PREX2: variants seen among roughly 807,000 people sequenced by gnomAD.
PREX2 encodes the protein phosphatidylinositol 3,4,5-trisphosphate-dependent Rac exchanger 2 protein.
PREX2 carries 107 observed loss-of-function variants against 203.2 expected under a neutral mutation model. The ratio of observed to expected loss-of-function variants is 0.53; its 90% CI spans 0.45 to 0.62. The LOEUF (loss-of-function observed/expected upper bound fraction) is 0.62, where lower values mean the gene tolerates loss of function less well. Among genes scored for constraint, PREX2 ranks in the 20% least tolerant of loss-of-function variants. The pLI, the probability that PREX2 is intolerant of heterozygous loss-of-function variation, is 0.00. For synonymous variants in PREX2, 672 were observed against 663.6 expected (o/e 1.01, Z -0.19); for missense variants, 1,777 against 1,955.9 (o/e 0.91, Z 1.72).
intron 14 of PREX2, among the ~76,000 whole-genome samples, chr8:68,076,286 G>A (rs745998266): frequency 1.8e-4 from 27 of 152,054 alleles, no homozygotes; most frequent in Non-Finnish European, 2.6e-4. Context: ...ATGAAAGCCC[G>A]TCTCTACTAA....
chr8:68,139,536 G>A (rs1027296739), intron 33 of PREX2, among the ~76,000 whole-genome samples: 19 of 152,150 alleles, frequency 1.2e-4, no homozygotes, highest in African/African-American at 2.4e-5. Flanking sequence ...TGAATTACGG[G>A]ATGTGTGTTC....
chr8:68,108,262 G>A lies in PREX2; in HGVS notation c.2869G>A (p.Ala957Thr), dbSNP rs766760003. Residue 957 changes from alanine to threonine, a missense_variant, in exon 24 of 40, where the codon GCA (alanine) becomes ACA (threonine). Physicochemically the swap from Ala to Thr is moderately conservative, Grantham distance 58. Coordinates refer to ENST00000288368, the MANE Select transcript of PREX2 (RefSeq NM_024870.4). ...YPKTSTSLGS[A>T]FGVQLDSRKH... ...CAAAACATCAACCTCTTTGGGAAGT[G>A]CATTTGGTGTTCAGTTGGATAGCAG... 21 of 1,613,832 alleles carry A rather than the reference G, an allele frequency of 1.3e-5. No individual in the cohort carries two copies. Among genetic ancestry groups the A allele is most frequent in the African/African-American group, 2.7e-5 (2 of 74,906 alleles).
intron 18 of PREX2, 61 bp downstream of exon 18, chr8:68,083,449 A>G: frequency 7.9e-7 from 1 of 1,268,726 alleles, no homozygotes; most frequent in South Asian, 1.4e-5. Context: ...TAACACAGAA[A>G]AGATAACTAA....
In PREX2 at chr8:68,146,259, T is replaced by G. The variant is rs1264341647; in HGVS notation, c.4138T>G (p.Tyr1380Asp). Reference protein sequence around the residue: ...AEGSRQALKVYFYIDSYHFEQ... With the variant: ...AEGSRQALKVDFYIDSYHFEQ... Reference sequence around the variant, plus strand: ...AGGAAGTCGGCAAGCTCTGAAAGTTTACTTCTACATTGATAGTTATCATTT... The same window carrying G: ...AGGAAGTCGGCAAGCTCTGAAAGTTGACTTCTACATTGATAGTTATCATTT... The change falls in exon 34 of 40, where the codon TAC becomes GAC. Residue 1380 changes from tyrosine to aspartate, a missense_variant. By Grantham distance (160) the Tyr-to-Asp change is radical. Transcript: ENST00000288368. The G allele has an allele frequency of 6.2e-7, 1 of 1,612,130 alleles. No homozygotes were observed. The highest frequency in any genetic ancestry group is 8.5e-7 in the Non-Finnish European group (1 of 1,178,974).
rs1011768607 is a variant in PREX2, at chr8:68,127,247, T to C, written c.3725-131T>C. 8.2e-6 allele frequency: 5 copies of C among 612,280 alleles called. No homozygotes were observed. The South Asian group carries it at 1.4e-4, about 17-fold the overall frequency. 37.9% of individuals were successfully genotyped at this position (612,280 alleles called of 1,614,324 possible). On this transcript the variant is annotated intron_variant, in intron 30 of 39. Coordinates refer to ENST00000288368, the MANE Select transcript of PREX2 (RefSeq NM_024870.4). ...TGTTTTTGCCATCCATTGAAAGTAA[T>C]GGCAAAACCACAACTACTTTTGCAT...
rs1810914461 is a variant in PREX2, at chr8:68,127,401, G to C, written c.3748G>C (p.Ala1250Pro). Residue 1250 changes from alanine (A) to proline (P), a missense_variant, in exon 31 of 40, where the codon GCT (alanine) becomes CCT (proline). Transcript: ENST00000288368. ...VEEVKCRLLL[A>P]LLEYSDSETQ... ...AGAGGTAAAGTGTAGGCTACTCCTG[G>C]CTCTTCTTGAATATTCAGGTAACAT... The C allele has an allele frequency of 6.2e-7, 1 of 1,606,418 alleles. No individual in the cohort carries two copies. Among genetic ancestry groups the C allele is most frequent in the African/African-American group, 1.3e-5 (1 of 74,614 alleles).
At chr8:67,970,602 A>G (rs897395153) in intron 1 of PREX2, among the ~76,000 whole-genome samples, 7 of 152,238 alleles carry the variant, frequency 4.6e-5, no homozygotes, top group African/African-American at 1.7e-4. Flanking sequence ...ACTTGGAGTT[A>G]GAGTTCTCAC....
intron 1 of PREX2, among the ~76,000 whole-genome samples, chr8:67,953,523 C>T (rs997322719): frequency 8.5e-5 from 13 of 152,132 alleles, no homozygotes; most frequent in African/African-American, 3.1e-4. Context: ...TTTGTGATCT[C>T]ATCCAAATCC....
At position 68,173,370 on chromosome 8, in the gene PREX2, A is replaced by G. The variant is rs1017860913; in HGVS notation, c.4346+15934A>G. Among the ~76,000 whole-genome samples the G allele has an allele frequency of 2.0e-5, 3 of 152,186 alleles. No individual in the cohort carries two copies. In the East Asian group the frequency reaches 5.8e-4, roughly 29 times the overall value. On this transcript the variant is annotated intron_variant, in intron 35 of 39. Coordinates refer to ENST00000288368, the MANE Select transcript of PREX2 (RefSeq NM_024870.4). ...AATTTCACATGAGGCAAGATCAGAT[A>G]AAGTTGAAATTGTAGTGACACTTTG...
At chr8:68,143,945 T>G (rs1811275016) in intron 33 of PREX2, among the ~76,000 whole-genome samples, 1 of 152,190 alleles carries the variant, frequency 6.6e-6, no homozygotes, top group Non-Finnish European at 1.5e-5. Flanking sequence ...TTGAAAAGAC[T>G]TATCTTTGCT....
At chr8:68,000,079 C>T (rs1806895454) in intron 1 of PREX2, among the ~76,000 whole-genome samples, 1 of 152,118 alleles carries the variant, frequency 6.6e-6, no homozygotes. Flanking sequence ...CCTCTCTCAC[C>T]ACTCCTACTC....
intron 1 of PREX2, among the ~76,000 whole-genome samples, chr8:67,978,803 C>A (rs1232882768): frequency 6.6e-6 from 1 of 152,052 alleles, no homozygotes; most frequent in Admixed American, 6.5e-5. Context: ...AGGTTTTATA[C>A]ATATATATCT....
intron 39 of PREX2, among the ~76,000 whole-genome samples, chr8:68,227,716 G>C (rs1813080514): frequency 6.6e-6 from 1 of 152,186 alleles, no homozygotes; most frequent in Non-Finnish European, 1.5e-5. Flanking sequence ...CTATGGACTG[G>C]AGATGGTTGT....
chr8:68,041,581 C>G (rs537933956), intron 7 of PREX2, among the ~76,000 whole-genome samples: 51 of 151,916 alleles, frequency 3.4e-4, no homozygotes, highest in Non-Finnish European at 6.3e-4. Flanking sequence ...TTTTAAAATT[C>G]CTTTTTACCA....
intron 18 of PREX2, 44 bp downstream of exon 18, chr8:68,083,432 A>C: frequency 7.0e-7 from 1 of 1,430,442 alleles, no homozygotes; most frequent in South Asian, 1.3e-5. Flanking sequence ...AGTTATACAT[A>C]GATAAGTAAC....
chr8:68,077,562 A>G, intron 15 of PREX2, 93 bp downstream of exon 15: 1 of 939,458 alleles, frequency 1.1e-6, no homozygotes, highest in East Asian at 2.4e-5. Context: ...GAGGTCATTT[A>G]GGGATGAGCC....
intron 34 of PREX2, among the ~76,000 whole-genome samples, chr8:68,151,372 G>A (rs191767125): frequency 3.7e-4 from 56 of 152,156 alleles, no homozygotes; most frequent in Non-Finnish European, 4.6e-4. Context: ...AATTATGATA[G>A]CACTACTGCA....
At chr8:68,058,045 T>C (rs1808731153) in intron 10 of PREX2, among the ~76,000 whole-genome samples, 1 of 152,210 alleles carries the variant, frequency 6.6e-6, no homozygotes, top group Non-Finnish European at 1.5e-5. Flanking sequence ...GCCTTTTCCA[T>C]AACAGCACAC....
At chr8:68,033,290 T>G (rs575510276) in intron 6 of PREX2, among the ~76,000 whole-genome samples, 67 of 152,240 alleles carry the variant, frequency 4.4e-4, no homozygotes, top group African/African-American at 1.6e-3. Context: ...CTCTAACCCT[T>G]TGTTTGGGGA....
Sources: allele counts gnomAD v4.1 joint callset (sites outside exome capture counted in the v4.1 genomes callset), GRCh38; gene constraint gnomAD v4.1.1; transcripts MANE v1.5; gene names NCBI Gene and HGNC (gene_info 2026-07-23, HGNC 2026-07-21).